CMIP: variants seen among roughly 807,000 people sequenced by gnomAD.
CMIP encodes the protein C-Maf-inducing protein.
CMIP carries 13 observed loss-of-function variants against 97.3 expected under a neutral mutation model. That is an observed-to-expected ratio of 0.13 (90% CI 0.09 to 0.21). The LOEUF (loss-of-function observed/expected upper bound fraction) is 0.21. Among genes scored for constraint, CMIP ranks in the 10% least tolerant of loss-of-function variants. The pLI, the probability that CMIP is intolerant of heterozygous loss-of-function variation, is 1.00. For synonymous variants in CMIP, 538 were observed against 436.3 expected (o/e 1.23, Z -2.91); for missense variants, 847 against 1,024.9 (o/e 0.83, Z 2.37).
At chr16:81,545,627 G>A (rs148504155) in intron 1 of CMIP, among the ~76,000 whole-genome samples, 2 of 152,282 alleles carry the variant, frequency 1.3e-5, no homozygotes, top group East Asian at 1.9e-4. Context: ...CACACAGCAC[G>A]GGGCGGACCT....
intron 1 of CMIP, among the ~76,000 whole-genome samples, chr16:81,500,623 G>A (rs1426250251): frequency 6.6e-6 from 1 of 151,718 alleles, no homozygotes; most frequent in Non-Finnish European, 1.5e-5. Flanking sequence ...TGAGTAGCTG[G>A]GACTACAGGC....
chr16:81,564,489 G>A (rs2090943670), intron 1 of CMIP, among the ~76,000 whole-genome samples: 1 of 152,224 alleles, frequency 6.6e-6, no homozygotes, highest in African/African-American at 2.4e-5. Flanking sequence ...CTCCTCCCTG[G>A]AATCCCCTAG....
chr16:81,701,753 C>G lies in CMIP; in HGVS notation c.1849C>G (p.Arg617Gly). 1 of 1,613,822 alleles carries G rather than the reference C, an allele frequency of 6.2e-7. No individual in the cohort carries two copies. Among genetic ancestry groups the G allele is most frequent in the Non-Finnish European group, 8.5e-7 (1 of 1,179,880 alleles). Reference sequence around the variant, plus strand: ...CCTGGAGAGCACAGACGTGGGGAAGCGCATGTACGAGCAGCTGTGTGACCG... The same window carrying G: ...CCTGGAGAGCACAGACGTGGGGAAGGGCATGTACGAGCAGCTGTGTGACCG... ...STLESTDVGK[R>G]MYEQLCDRQR... is the part of the protein sequence containing the mutation. Residue 617 changes from arginine (R) to glycine (G), a missense_variant, in exon 16 of 21, where the codon CGC (arginine) becomes GGC (glycine). By Grantham distance (125) the Arg-to-Gly change is moderately radical (BLOSUM62 -2). This residue lies in a region of CMIP where 266 missense variants were observed against 384.2 expected (regional missense o/e 0.69). Coordinates refer to ENST00000537098, the MANE Select transcript of CMIP (RefSeq NM_198390.3).
At chr16:81,661,513 T>G (rs1336559623) in intron 6 of CMIP, among the ~76,000 whole-genome samples, 1 of 152,208 alleles carries the variant, frequency 6.6e-6, no homozygotes, top group Non-Finnish European at 1.5e-5. Context: ...TGTAATAATT[T>G]TATGTCCTTG....
chr16:81,470,019 C>G (rs1055694374), intron 1 of CMIP, among the ~76,000 whole-genome samples: 8 of 152,202 alleles, frequency 5.3e-5, no homozygotes, highest in African/African-American at 1.9e-4. Flanking sequence ...ACTGGGAGCT[C>G]TTGCCTTGCC....
At chr16:81,604,053 G>C (rs936297634) in intron 1 of CMIP, among the ~76,000 whole-genome samples, 3 of 152,198 alleles carry the variant, frequency 2.0e-5, no homozygotes, top group African/African-American at 4.8e-5. Flanking sequence ...GTCTGCTTTT[G>C]GCCAAATGCT....
intron 1 of CMIP, among the ~76,000 whole-genome samples, chr16:81,496,397 G>T (rs556169029): frequency 2.0e-5 from 3 of 152,298 alleles, no homozygotes; most frequent in African/African-American, 7.2e-5. Context: ...AACCTATTTA[G>T]AATTTGTACG....
At chr16:81,447,383 C>T (rs956967651) in intron 1 of CMIP, among the ~76,000 whole-genome samples, 4 of 152,000 alleles carry the variant, frequency 2.6e-5, no homozygotes, top group African/African-American at 7.2e-5. Context: ...GTGAGTGTCC[C>T]GCTGCTACCG....
rs188954233 is a variant in CMIP, at chr16:81,525,581, G to A, written c.300+80040G>A. ...TGCCCAGGAACTCCTGGGCTCAAAT[G>A]GTTCTCCTCCGTCAGCCTCTCAAGT... is the stretch of plus-strand genomic sequence containing the variant. On this transcript the variant is annotated intron_variant, in intron 1 of 20. Coordinates refer to ENST00000537098, the MANE Select transcript of CMIP (RefSeq NM_198390.3). Among the ~76,000 whole-genome samples the A allele has an allele frequency of 3.9e-5, 6 of 152,266 alleles. No individual in the cohort carries two copies. In the East Asian group the frequency reaches 1.2e-3, roughly 29 times the overall value.
intron 3 of CMIP, among the ~76,000 whole-genome samples, chr16:81,649,774 C>G (rs185203109): frequency 6.6e-6 from 1 of 152,134 alleles, no homozygotes; most frequent in Non-Finnish European, 1.5e-5. Flanking sequence ...GGGTGTGGAT[C>G]GCTGTGGTTT....
chr16:81,578,018 C>T (rs1459620575), intron 1 of CMIP, among the ~76,000 whole-genome samples: 10 of 151,906 alleles, frequency 6.6e-5, no homozygotes, highest in Non-Finnish European at 1.5e-4. Flanking sequence ...TCATCACCAC[C>T]ATCATCCCCA....
At chr16:81,692,858 C>G (rs1906256374) in intron 11 of CMIP, among the ~76,000 whole-genome samples, 2 of 152,348 alleles carry the variant, frequency 1.3e-5, no homozygotes, top group South Asian at 4.1e-4. Context: ...CCGGAGCCCA[C>G]ATGCACCCAC....
chr16:81,678,263 C>T lies in CMIP; in HGVS notation c.1035-12C>T, dbSNP rs1391022180. On this transcript the variant is annotated splice_polypyrimidine_tract_variant and intron_variant, in intron 9 of 20. Coordinates refer to ENST00000537098, the MANE Select transcript of CMIP (RefSeq NM_198390.3). ...CCTGTACTCATGTGCCCTCTCCCGC[C>T]TCTTCCCCCAGCCGCGACAATTCCC... is the stretch of plus-strand genomic sequence containing the variant. 1.9e-6 allele frequency: 3 copies of T among 1,572,398 alleles called. No homozygotes were observed.
chr16:81,607,038 T>A (rs1229008085), intron 1 of CMIP: 1 of 155,724 alleles, frequency 6.4e-6, no homozygotes, highest in Non-Finnish European at 1.4e-5. Flanking sequence ...GTCTGTCGAT[T>A]GTGGATGGGA....
intron 10 of CMIP, among the ~76,000 whole-genome samples, chr16:81,684,564 G>C (rs1905196076): frequency 6.6e-6 from 1 of 152,250 alleles, no homozygotes; most frequent in African/African-American, 2.4e-5. Context: ...TGAGGTGGGA[G>C]ACCCGGGCTT....
At chr16:81,645,054 A>G (rs920907483) in intron 3 of CMIP, among the ~76,000 whole-genome samples, 6 of 152,332 alleles carry the variant, frequency 3.9e-5, no homozygotes, top group Admixed American at 2.0e-4. Context: ...CTGCACCACT[A>G]TAGTCACCAC....
chr16:81,561,653 A>G (rs1027068260), intron 1 of CMIP, among the ~76,000 whole-genome samples: 1 of 152,116 alleles, frequency 6.6e-6, no homozygotes, highest in African/African-American at 2.4e-5. Context: ...AGAGCTTTGG[A>G]AGGTTTTGAG....
chr16:81,548,130 C>G (rs1038999647), intron 1 of CMIP, among the ~76,000 whole-genome samples: 1 of 111,752 alleles, frequency 8.9e-6, no homozygotes, highest in African/African-American at 3.5e-5. Context: ...GGATGGATCA[C>G]TTTTTTTTTT....
At chr16:81,536,750 T>G (rs2090349881) in intron 1 of CMIP, among the ~76,000 whole-genome samples, 1 of 152,000 alleles carries the variant, frequency 6.6e-6, no homozygotes, top group Admixed American at 6.5e-5. Context: ...AGGCACTGCT[T>G]GTCTTTTTTT....
Sources: gnomAD v4.1 joint callset for allele counts (sites outside exome capture counted in the v4.1 genomes callset) on GRCh38, gnomAD v4.1.1 for gene constraint, gnomAD v4.1.1 regional missense constraint, MANE v1.5 for transcripts, NCBI Gene and HGNC (gene_info 2026-07-23, HGNC 2026-07-21) for gene names.